Variants in KCNQ2 observed in about 807,000 individuals in gnomAD.
KCNQ2 encodes potassium voltage-gated channel subfamily KQT member 2.
In KCNQ2, 14 loss-of-function variants were observed where a neutral mutation model predicts 84.8. The observed-to-expected ratio is 0.17, with a 90% CI of 0.11 to 0.26. The LOEUF (loss-of-function observed/expected upper bound fraction) is 0.26, where lower values mean the gene tolerates loss of function less well. KCNQ2 is among the 10% of genes least tolerant of loss of function. The probability of loss-of-function intolerance (pLI) is 1.00; values close to 1 mark genes in which losing one functional copy is unlikely to be tolerated. For missense variants in KCNQ2, 788 were observed against 1,254.0 expected (o/e 0.63, Z 5.61); for synonymous variants, 599 against 554.1 (o/e 1.08, Z -1.14).
chr20:63,442,468 A>G lies in KCNQ2; in HGVS notation c.754T>C (p.Leu252=), dbSNP rs370174915. The part of the protein sequence containing the change: ...CLILASFLVY[L]AEKGENDHFD... ...TGGTCGTTCTCCCCCTTCTCTGCCA[A>G]GTACACCAGGAACGAGGCCAGGATG... The change falls in exon 5 of 17, where the codon TTG becomes CTG. Residue 252 remains leucine (L), a synonymous_variant. Transcript: ENST00000359125. 1.1e-4 allele frequency: 176 copies of G among 1,613,790 alleles called. 3 individuals are homozygous for G. Among genetic ancestry groups the G allele is most frequent in the East Asian group, 1.0e-3 (45 of 44,864 alleles).
rs567354758 is a variant in KCNQ2 at position 63,415,243 on chromosome 20, G to T, written c.1302-117C>A. ...CGCCCATGCGCCGGAGGGAGACACA[G>T]GTCTGAAGAACAGCCAGCCACACGG... On this transcript the variant is annotated intron_variant, in intron 12 of 16. Transcript: ENST00000359125. The T allele has an allele frequency of 2.1e-4, 198 of 962,706 alleles. No individual in the cohort carries two copies. The Middle Eastern group carries it at 6.8e-3, about 33-fold the overall frequency. The allele number at this position is 962,706 out of a possible 1,614,324, so 59.6% of individuals were successfully genotyped here. A position where few individuals can be genotyped will look rare whatever the true frequency, so the allele number is the denominator to read the frequency against.
chr20:63,433,639 G>T, intron 8 of KCNQ2, 170 bp downstream of exon 8: 1 of 1,263,238 alleles, frequency 7.9e-7, no homozygotes, highest in South Asian at 1.3e-5. Flanking sequence ...CTAACACAAA[G>T]GGCAGAAGCA....
chr20:63,400,498 G>A lies in KCNQ2; in HGVS notation c.*6146C>T, dbSNP rs2079787032. The A allele has an allele frequency of 2.5e-6, 1 of 397,594 alleles. No individual in the cohort carries two copies. Among genetic ancestry groups the A allele is most frequent in the Non-Finnish European group, 4.4e-6 (1 of 225,912 alleles). The allele number at this position is 397,594 out of a possible 1,614,324, so 24.6% of individuals were successfully genotyped here. On this transcript the variant is annotated 3_prime_UTR_variant, in exon 17 of 17. Coordinates refer to ENST00000359125, the MANE Select transcript of KCNQ2 (RefSeq NM_172107.4). This position sits in a 1 kb window ranked among gnomAD's most constrained non-coding sequence, Gnocchi z 8.7. ...CAAAGTTGAGATTGAAGTGTGCGGGGTAACACATCCACCAAAAAAAGGCCT... is the reference window on the plus strand; with the variant it reads ...CAAAGTTGAGATTGAAGTGTGCGGGATAACACATCCACCAAAAAAAGGCCT...
intron 10 of KCNQ2, among the ~76,000 whole-genome samples, chr20:63,427,272 A>C (rs1300209001): frequency 6.6e-6 from 1 of 152,264 alleles, no homozygotes; most frequent in East Asian, 1.9e-4. Flanking sequence ...CATTTAAATC[A>C]GGTGTGTGTG....
chr20:63,419,394 C>T (rs937870677), intron 12 of KCNQ2, among the ~76,000 whole-genome samples: 1 of 152,242 alleles, frequency 6.6e-6, no homozygotes, highest in African/African-American at 2.4e-5. Flanking sequence ...GTGCGCAGGA[C>T]ATCGCCTGGC....
intron 1 of KCNQ2, among the ~76,000 whole-genome samples, chr20:63,451,840 C>T (rs948253917): frequency 6.6e-6 from 1 of 152,208 alleles, no homozygotes; most frequent in African/African-American, 2.4e-5. Flanking sequence ...CAGGCGCAGT[C>T]CCCATAGCTC....
rs963461069 is a variant in KCNQ2, at chr20:63,438,348, G to A, written c.1023+277C>T. 9.9e-5 allele frequency: 55 copies of A among 553,778 alleles called. No individual in the cohort carries two copies. Among genetic ancestry groups the A allele is most frequent in the South Asian group, 8.6e-4 (43 of 50,180 alleles). 34.3% of individuals were successfully genotyped at this position (553,778 alleles called of 1,614,324 possible). On this transcript the variant is annotated intron_variant, in intron 7 of 16. Coordinates refer to ENST00000359125, the MANE Select transcript of KCNQ2 (RefSeq NM_172107.4). This position sits in a 1 kb window ranked among gnomAD's most constrained non-coding sequence, Gnocchi z 5.1. The stretch of plus-strand genomic sequence containing the variant: ...CGGGTGTGCTCACCTCCCAGGGTGC[G>A]GTAGAGAGGACCTGATGGCCGGGCC...
At position 63,407,345 on chromosome 20, in the gene KCNQ2, G is replaced by T. The variant is rs1361944532; in HGVS notation, c.1918C>A (p.Leu640Met). 2 of 1,597,632 alleles carry T rather than the reference G, an allele frequency of 1.3e-6. No individual in the cohort carries two copies. The highest frequency in any genetic ancestry group is 1.7e-6 in the Non-Finnish European group (2 of 1,179,440). Residue 640 changes from leucine to methionine, a missense_variant, in exon 17 of 17, where the codon CTG becomes ATG. Physicochemically the swap from Leu to Met is conservative, Grantham distance 15. Coordinates refer to ENST00000359125, the MANE Select transcript of KCNQ2 (RefSeq NM_172107.4). The surrounding 1 kb of genome is among the most constrained non-coding windows in gnomAD (Gnocchi z 7.2). ...ATCCGCTGCATGTAGATATTCACCA[G>T]GAAGTCCAGCTTCTTCTCCATGGAC... ...VLSMEKKLDFLVNIYMQRMGI... is the reference protein window; with the variant it reads ...VLSMEKKLDFMVNIYMQRMGI...
At position 63,414,855 on chromosome 20, in the gene KCNQ2, A is replaced by G. The variant is rs377057652; in HGVS notation, c.1525+48T>C. On this transcript the variant is annotated intron_variant, in intron 13 of 16. Coordinates refer to ENST00000359125, the MANE Select transcript of KCNQ2 (RefSeq NM_172107.4). This position sits in a 1 kb window ranked among gnomAD's most constrained non-coding sequence, Gnocchi z 6.6. ...GTGGCCACAGTAGCGTGGCCACCACATCCATCCCCGGAGAGGATGGACCAG... is the reference window on the plus strand; with the variant it reads ...GTGGCCACAGTAGCGTGGCCACCACGTCCATCCCCGGAGAGGATGGACCAG... 1 of 1,576,988 alleles carries G rather than the reference A, an allele frequency of 6.3e-7. No homozygotes were observed. Among genetic ancestry groups the G allele is most frequent in the Non-Finnish European group, 8.7e-7 (1 of 1,149,314 alleles).
chr20:63,417,669 G>A (rs1418312573), intron 12 of KCNQ2, among the ~76,000 whole-genome samples: 1 of 152,258 alleles, frequency 6.6e-6, no homozygotes, highest in African/African-American at 2.4e-5. Context: ...GTGCGGGCCA[G>A]GAAGGGTCAG....
At chr20:63,442,798 C>T in intron 4 of KCNQ2, among the ~76,000 whole-genome samples, 1 of 108,986 alleles carries the variant, frequency 9.2e-6, no homozygotes, top group Non-Finnish European at 2.0e-5. Context: ...TCACCATTAC[C>T]ACCACCATTA....
chr20:63,424,024 C>T (rs2080553335), intron 11 of KCNQ2, 153 bp downstream of exon 11: 19 of 776,798 alleles, frequency 2.4e-5, no homozygotes, highest in Non-Finnish European at 4.1e-5. Flanking sequence ...CACATCACCG[C>T]CAGGCGGGGG....
chr20:63,443,093 C>T (rs1391458982), intron 4 of KCNQ2, among the ~76,000 whole-genome samples: 1 of 27,070 alleles, frequency 3.7e-5, no homozygotes, highest in Non-Finnish European at 7.6e-5. Flanking sequence ...ACCATTATCA[C>T]CACCATCACC....
At chr20:63,419,013 G>A (rs1475638835) in intron 12 of KCNQ2, among the ~76,000 whole-genome samples, 2 of 152,274 alleles carry the variant, frequency 1.3e-5, no homozygotes, top group East Asian at 1.9e-4. Flanking sequence ...ACACCCAACA[G>A]CAGACAGGGG....
intron 12 of KCNQ2, among the ~76,000 whole-genome samples, chr20:63,418,556 C>A (rs2080371068): frequency 6.6e-6 from 1 of 152,210 alleles, no homozygotes; most frequent in South Asian, 2.1e-4. Flanking sequence ...CCCACCCCCA[C>A]TTTCAAACCC....
Position 63,438,440 on chromosome 20 carries a change from G to C in KCNQ2, c.1023+185C>G, listed in dbSNP as rs1042000414. ...ACGAGCCACCCCTGTGCAGCCTCAG[G>C]GGTTGGAGCCATTTCTCAACACACA... is the stretch of plus-strand genomic sequence containing the variant. On this transcript the variant is annotated intron_variant, in intron 7 of 16. Transcript: ENST00000359125. This position sits in a 1 kb window ranked among gnomAD's most constrained non-coding sequence, Gnocchi z 5.1. 1 of 656,228 alleles carries C rather than the reference G, an allele frequency of 1.5e-6. No homozygotes were observed. Among genetic ancestry groups the C allele is most frequent in the South Asian group, 1.7e-5 (1 of 58,048 alleles). The allele number at this position is 656,228 out of a possible 1,614,324, so 40.7% of individuals were successfully genotyped here.
chr20:63,421,693 G>A (rs952648433), intron 11 of KCNQ2, among the ~76,000 whole-genome samples: 1 of 152,144 alleles, frequency 6.6e-6, no homozygotes, highest in East Asian at 1.9e-4. Flanking sequence ...ACAGGCACGG[G>A]GGAGCCCGCA....
At chr20:63,411,975 C>A in intron 15 of KCNQ2, 1 of 668,288 alleles carries the variant, frequency 1.5e-6, no homozygotes, top group South Asian at 1.6e-5. Flanking sequence ...GAAACGGAAG[C>A]AACAGGGAGG....
At chr20:63,447,501 CCTCA>C (rs2081466205) in intron 1 of KCNQ2, 1 of 153,078 alleles carries the variant, frequency 6.5e-6, no homozygotes, top group Admixed American at 6.5e-5. Flanking sequence ...CACGCGATTA[CCTCA>C]CTCACTGATC....
Sources: gnomAD v4.1 joint callset for allele counts (sites outside exome capture counted in the v4.1 genomes callset) on GRCh38, gnomAD v4.1.1 for gene constraint, Gnocchi (gnomAD v3.1) non-coding constraint, MANE v1.5 for transcripts, NCBI Gene and HGNC (gene_info 2026-07-23, HGNC 2026-07-21) for gene names.